The following RARB variants were observed in gnomAD, a reference collection of about 807,000 sequenced individuals.
The protein encoded by RARB is retinoic acid receptor beta, also known as HBV-activated protein.
In RARB, 17 loss-of-function variants were observed where a neutral mutation model predicts 51.9. The observed-to-expected ratio is 0.33, with a 90% confidence interval of 0.22 to 0.49. RARB has a LOEUF of 0.49. Ranked by LOEUF, RARB falls within the 20% of genes least tolerant of loss-of-function variation. The pLI, the probability that RARB is intolerant of heterozygous loss-of-function variation, is 0.99. For synonymous variants in RARB, 215 were observed against 195.4 expected (o/e 1.10, Z -0.84); for missense variants, 369 against 550.8 (o/e 0.67, Z 3.30).
intron 2 of RARB, among the ~76,000 whole-genome samples, chr3:24,971,863 GAATA>G (rs1696405602): frequency 6.6e-6 from 1 of 151,834 alleles, no homozygotes. Context: ...TCAATATTAT[GAATA>G]AATATTTTTA....
intron 2 of RARB, among the ~76,000 whole-genome samples, chr3:25,051,877 T>G (rs1337628618): frequency 6.6e-6 from 1 of 152,156 alleles, no homozygotes; most frequent in Non-Finnish European, 1.5e-5. Context: ...ACAAAAATGG[T>G]GAGAAATGGA....
intron 4 of RARB, among the ~76,000 whole-genome samples, chr3:25,574,031 G>A (rs766827578): frequency 4.6e-5 from 7 of 152,154 alleles, no homozygotes; most frequent in South Asian, 2.1e-4. Flanking sequence ...ACCCTCCGCC[G>A]CCATAAAAGG....
intron 5 of RARB, among the ~76,000 whole-genome samples, chr3:25,219,103 C>T (rs1237536361): frequency 6.6e-6 from 1 of 152,132 alleles, no homozygotes; most frequent in African/African-American, 2.4e-5. Context: ...GCTCTGTGCC[C>T]TCATTCATGG....
chr3:25,547,363 C>T (rs759283280), intron 3 of RARB, among the ~76,000 whole-genome samples: 1 of 152,222 alleles, frequency 6.6e-6, no homozygotes, highest in African/African-American at 2.4e-5. Flanking sequence ...CTCCTCCCAC[C>T]ATTGGAATTT....
At chr3:25,587,943 T>C (rs1005017243) in intron 5 of RARB, among the ~76,000 whole-genome samples, 2 of 152,204 alleles carry the variant, frequency 1.3e-5, no homozygotes, top group South Asian at 4.1e-4. Context: ...GAAGAGAGTC[T>C]GATGAAGGAA....
chr3:25,187,325 C>G (rs1307035276), intron 5 of RARB, among the ~76,000 whole-genome samples: 1 of 151,970 alleles, frequency 6.6e-6, no homozygotes, highest in African/African-American at 2.4e-5. Flanking sequence ...ATTTGTTACA[C>G]TAACCTCAAG....
At chr3:25,021,844 C>T (rs1469297718) in intron 2 of RARB, among the ~76,000 whole-genome samples, 2 of 152,130 alleles carry the variant, frequency 1.3e-5, no homozygotes, top group Non-Finnish European at 2.9e-5. Flanking sequence ...AGTTTTAACA[C>T]ATAGGTCCTT....
intron 2 of RARB, among the ~76,000 whole-genome samples, chr3:25,029,774 T>C (rs1697829692): frequency 1.3e-5 from 2 of 152,212 alleles, no homozygotes; most frequent in Admixed American, 6.5e-5. Context: ...ATTTTAGGAA[T>C]GGGCAATGAG....
chr3:25,203,238 A>G (rs1348112381), intron 5 of RARB, among the ~76,000 whole-genome samples: 2 of 152,110 alleles, frequency 1.3e-5, no homozygotes, highest in Non-Finnish European at 2.9e-5. Context: ...GTTTTATCAG[A>G]GACTAGGATT....
At chr3:25,223,313 G>T (rs1701986804) in intron 5 of RARB, among the ~76,000 whole-genome samples, 1 of 152,024 alleles carries the variant, frequency 6.6e-6, no homozygotes, top group South Asian at 2.1e-4. Flanking sequence ...TTCATATTAT[G>T]TTCGCTTTTA....
chr3:25,386,602 G>A (rs1457886823), intron 5 of RARB, among the ~76,000 whole-genome samples: 1 of 152,126 alleles, frequency 6.6e-6, no homozygotes, highest in Non-Finnish European at 1.5e-5. Context: ...CTTCATATAG[G>A]GCTTCTTCAG....
At chr3:25,449,135 C>A (rs1248736206) in intron 1 of RARB, among the ~76,000 whole-genome samples, 1 of 152,092 alleles carries the variant, frequency 6.6e-6, no homozygotes, top group Non-Finnish European at 1.5e-5. Context: ...AGCCCTGGAG[C>A]TGGTGGTTGT....
intron 3 of RARB, among the ~76,000 whole-genome samples, chr3:25,130,680 A>G (rs1318565165): frequency 6.6e-6 from 1 of 151,788 alleles, no homozygotes; most frequent in Non-Finnish European, 1.5e-5. Flanking sequence ...AACCCTGAGC[A>G]TTGTGTCACT....
At chr3:24,933,960 G>A (rs1001727794) in intron 2 of RARB, among the ~76,000 whole-genome samples, 1 of 152,146 alleles carries the variant, frequency 6.6e-6, no homozygotes, top group Admixed American at 6.6e-5. Context: ...ATTCTAATAA[G>A]AGAATAAAAA....
intron 2 of RARB, among the ~76,000 whole-genome samples, chr3:24,904,280 C>T (rs539566159): frequency 5.3e-5 from 8 of 151,864 alleles, no homozygotes; most frequent in Admixed American, 3.3e-4. Flanking sequence ...ACAGACACCA[C>T]GATGGGATTA....
intron 3 of RARB, among the ~76,000 whole-genome samples, chr3:25,537,167 G>A (rs537697722): frequency 1.9e-4 from 29 of 152,180 alleles, no homozygotes; most frequent in Non-Finnish European, 3.8e-4. Context: ...GAAGTTGAAA[G>A]AGGGGTTTGG....
At chr3:25,176,366 CTTCCTTCCTTCCTTCCTTCCTTAT>C (rs1334243744) in intron 5 of RARB, among the ~76,000 whole-genome samples, 1 of 63,088 alleles carries the variant, frequency 1.6e-5, no homozygotes, top group Non-Finnish European at 3.4e-5. Flanking sequence ...TCCTTCCTTC[CTTCCTTCCTTCCTTCCTTCCTTAT>C]TTATTTATTT....
At chr3:24,931,912 T>C (rs777804327) in intron 2 of RARB, among the ~76,000 whole-genome samples, 2 of 152,086 alleles carry the variant, frequency 1.3e-5, no homozygotes, top group Non-Finnish European at 2.9e-5. Context: ...GTTAGTTGTT[T>C]GGAGAGTGGT....
chr3:25,359,448 G>A (rs1049898251), intron 5 of RARB, among the ~76,000 whole-genome samples: 7 of 150,732 alleles, frequency 4.6e-5, no homozygotes, highest in East Asian at 1.9e-4. Flanking sequence ...TTGATTTTTC[G>A]AAGGGTTTTT....
Sources: gnomAD v4.1 joint callset for allele counts (sites outside exome capture counted in the v4.1 genomes callset) on GRCh38, gnomAD v4.1.1 for gene constraint, MANE v1.5 for transcripts, NCBI Gene and HGNC (gene_info 2026-07-23, HGNC 2026-07-21) for gene names.